Variants in KIRREL3 observed in about 807,000 individuals in gnomAD.
KIRREL3 encodes the protein kirre like nephrin family adhesion molecule 3.
A neutral mutation model predicts 89.7 loss-of-function variants in KIRREL3; 36 were observed. The ratio of observed to expected loss-of-function variants is 0.40; its 90% CI spans 0.31 to 0.53. The LOEUF (loss-of-function observed/expected upper bound fraction) is 0.53. Among genes scored for constraint, KIRREL3 ranks in the 20% least tolerant of loss-of-function variants. KIRREL3 has a pLI of 0.49. For synonymous variants in KIRREL3, 445 were observed against 441.4 expected, an observed-to-expected ratio of 1.01 and a Z score of -0.10; for missense variants, 864 against 1,056.6, an observed-to-expected ratio of 0.82 and a Z score of 2.53.
rs1381313551 is a variant in KIRREL3 at position 126,977,569 on chromosome 11, T to G, written c.55+22886A>C. Among the ~76,000 whole-genome samples, 1 of 152,252 alleles carries G rather than the reference T, an allele frequency of 6.6e-6. No homozygotes were observed. Among genetic ancestry groups the G allele is most frequent in the Non-Finnish European group, 1.5e-5 (1 of 68,048 alleles). ...TTCCTGTATTCTTTCAACAAGCATT[T>G]ATTGAATGCCTACTATGCACCTGTC... On this transcript the variant is annotated intron_variant, in intron 1 of 16. Transcript: ENST00000525144. This position sits in a 1 kb window ranked among gnomAD's most constrained non-coding sequence, Gnocchi z 4.7.
chr11:126,569,335 G>A lies in KIRREL3; in HGVS notation c.56-6423C>T, dbSNP rs73015250. ...TGAAGAAATATTTTTAACCAGTTGC[G>A]TTGACCTCAGAGGGTAAACATTTTG... On this transcript the variant is annotated intron_variant, in intron 1 of 16. Coordinates refer to ENST00000525144, the MANE Select transcript of KIRREL3 (RefSeq NM_032531.4). The surrounding 1 kb of genome is among the most constrained non-coding windows in gnomAD (Gnocchi z 6.5). 1.9e-3 allele frequency among the ~76,000 whole-genome samples: 292 copies of A among 152,294 alleles called. 2 individuals carry two copies. Among genetic ancestry groups the A allele is most frequent in the Middle Eastern group, 3.4e-3 (1 of 294 alleles).
In KIRREL3 at chr11:126,562,982, A is replaced by AGG. The variant is rs570366280; in HGVS notation, c.56-72_56-71dup. On this transcript the variant is annotated intron_variant, in intron 1 of 16. Transcript: ENST00000525144. The surrounding 1 kb of genome is among the most constrained non-coding windows in gnomAD (Gnocchi z 4.7). Reference sequence around the variant, plus strand: ...CAGGCATTGTTGGGGGGCCCTCTGCAGGGGGCTGTGGAGCTTGTTGCTCTT... The same window carrying AGG: ...CAGGCATTGTTGGGGGGCCCTCTGCAGGGGGGGCTGTGGAGCTTGTTGCTCTT... 6.1e-6 allele frequency: 7 copies of AGG among 1,149,100 alleles called. No individual in the cohort carries two copies. In the Admixed American group the frequency reaches 1.2e-4, roughly 20 times the overall value. 71.2% of individuals were successfully genotyped at this position (1,149,100 alleles called of 1,614,324 possible). A position where few individuals can be genotyped will look rare whatever the true frequency, so the allele number is the denominator to read the frequency against.
chr11:126,437,626 C>A (rs1469351072), intron 11 of KIRREL3, among the ~76,000 whole-genome samples: 10 of 152,290 alleles, frequency 6.6e-5, no homozygotes, highest in Admixed American at 5.2e-4. Flanking sequence ...ATGCACATCA[C>A]ACTTCACACT....
In KIRREL3 at chr11:126,830,175, C is replaced by T. The variant is rs1463168616; in HGVS notation, c.55+170280G>A. Among the ~76,000 whole-genome samples, 1 of 152,154 alleles carries T rather than the reference C, an allele frequency of 6.6e-6. No individual in the cohort carries two copies. Among genetic ancestry groups the T allele is most frequent in the African/African-American group, 2.4e-5 (1 of 41,432 alleles). On this transcript the variant is annotated intron_variant, in intron 1 of 16. Coordinates refer to ENST00000525144, the MANE Select transcript of KIRREL3 (RefSeq NM_032531.4). The surrounding 1 kb of genome is among the most constrained non-coding windows in gnomAD (Gnocchi z 4.9). ...CTGGAAGTTGTTCATGAATGAACAA[C>T]CCTTGCTAATCACTCTGGTCAATAT... is the stretch of plus-strand genomic sequence containing the variant.
In KIRREL3 at chr11:126,520,880, T is replaced by A. The variant is rs573182857; in HGVS notation, c.433+435A>T. On this transcript the variant is annotated intron_variant, in intron 4 of 16. Coordinates refer to ENST00000525144, the MANE Select transcript of KIRREL3 (RefSeq NM_032531.4). The surrounding 1 kb of genome is among the most constrained non-coding windows in gnomAD (Gnocchi z 4.9). ...GAATCATGGGGAGAATCGGGCTGAT[T>A]CTACAGAGAAGGTGGAAAGATAGGG... is the stretch of plus-strand genomic sequence containing the variant. Among the ~76,000 whole-genome samples the A allele has an allele frequency of 6.6e-6, 1 of 152,164 alleles. No homozygotes were observed. Among genetic ancestry groups the A allele is most frequent in the Non-Finnish European group, 1.5e-5 (1 of 67,988 alleles).
chr11:126,910,452 C>A (rs1338982917), intron 1 of KIRREL3, among the ~76,000 whole-genome samples: 3 of 152,084 alleles, frequency 2.0e-5, no homozygotes, highest in Non-Finnish European at 4.4e-5. Flanking sequence ...AGGAGCATAA[C>A]AAGGATTTGA....
Position 126,893,938 on chromosome 11 carries a change from C to T in KIRREL3, c.55+106517G>A, listed in dbSNP as rs376503398. ...CTGTAAAATGTCTTTCCCAGAGCCG[C>T]GTGTGACTTGGTATTTCATGTGGGT... On this transcript the variant is annotated intron_variant, in intron 1 of 16. Coordinates refer to ENST00000525144, the MANE Select transcript of KIRREL3 (RefSeq NM_032531.4). Among the ~76,000 whole-genome samples the T allele has an allele frequency of 4.6e-5, 7 of 152,214 alleles. No homozygotes were observed. The South Asian group carries it at 6.2e-4, about 14-fold the overall frequency.
intron 1 of KIRREL3, among the ~76,000 whole-genome samples, chr11:126,964,063 T>A (rs1043048578): frequency 6.6e-6 from 1 of 152,208 alleles, no homozygotes; most frequent in African/African-American, 2.4e-5. Flanking sequence ...TTTTTCATTT[T>A]CCATCTCTAG....
At chr11:126,913,757 T>A (rs1946921333) in intron 1 of KIRREL3, among the ~76,000 whole-genome samples, 1 of 152,174 alleles carries the variant, frequency 6.6e-6, no homozygotes, top group African/African-American at 2.4e-5. Context: ...CAAGTCTGCT[T>A]GGAAAGAGAC....
chr11:126,895,056 TA>T (rs1946094913), intron 1 of KIRREL3, among the ~76,000 whole-genome samples: 1 of 152,152 alleles, frequency 6.6e-6, no homozygotes, highest in Admixed American at 6.5e-5. Flanking sequence ...GACCGGGCTT[TA>T]AAACAAGGAG....
rs186425027 is a variant in KIRREL3, at chr11:126,873,977, C to G, written c.55+126478G>C. ...TTTTCCAAGAATTCTATCTCCCCAGCCTGGTGGTTTGCACCGTCAAGACAA... is the reference window on the plus strand; with the variant it reads ...TTTTCCAAGAATTCTATCTCCCCAGGCTGGTGGTTTGCACCGTCAAGACAA... On this transcript the variant is annotated intron_variant, in intron 1 of 16. Transcript: ENST00000525144. 1.2e-3 allele frequency among the ~76,000 whole-genome samples: 181 copies of G among 152,354 alleles called. 1 individual carries two copies. The highest frequency in any genetic ancestry group is 1.4e-3 in the Non-Finnish European group (97 of 68,036).
chr11:126,689,380 C>G lies in KIRREL3; in HGVS notation c.56-126468G>C, dbSNP rs1946794280. ...CCAGACCCCCTGGGAGCCCAGAGTC[C>G]CCATCCTTGCATCTCATGATCTATC... On this transcript the variant is annotated intron_variant, in intron 1 of 16. Transcript: ENST00000525144. The surrounding 1 kb of genome is among the most constrained non-coding windows in gnomAD (Gnocchi z 5.2). Among the ~76,000 whole-genome samples, 1 of 152,158 alleles carries G rather than the reference C, an allele frequency of 6.6e-6. No homozygotes were observed. Among genetic ancestry groups the G allele is most frequent in the Admixed American group, 6.5e-5 (1 of 15,276 alleles).
At chr11:126,786,322 A>T (rs897272781) in intron 1 of KIRREL3, among the ~76,000 whole-genome samples, 3 of 152,236 alleles carry the variant, frequency 2.0e-5, no homozygotes, top group East Asian at 3.8e-4. Context: ...TAGTGTTTGT[A>T]TTAGACAGGT....
Position 126,431,840 on chromosome 11 carries a change from G to T in KIRREL3, c.1589-314C>A. On this transcript the variant is annotated intron_variant, in intron 13 of 16. Coordinates refer to ENST00000525144, the MANE Select transcript of KIRREL3 (RefSeq NM_032531.4). The surrounding 1 kb of genome is among the most constrained non-coding windows in gnomAD (Gnocchi z 7.1). ...AGGGCCAGGGGACAGGAAGACCGGAGATGAGGGGTGGGGCTGGCACGATGG... is the reference window on the plus strand; with the variant it reads ...AGGGCCAGGGGACAGGAAGACCGGATATGAGGGGTGGGGCTGGCACGATGG... Among the ~76,000 whole-genome samples the T allele has an allele frequency of 6.6e-6, 1 of 152,158 alleles. No homozygotes were observed. The highest frequency in any genetic ancestry group is 1.9e-4 in the East Asian group (1 of 5,194).
intron 1 of KIRREL3, among the ~76,000 whole-genome samples, chr11:126,938,741 T>G (rs1948310705): frequency 6.6e-6 from 1 of 152,240 alleles, no homozygotes; most frequent in Non-Finnish European, 1.5e-5. Flanking sequence ...TTCTTTTCAC[T>G]GTTTACAACC....
rs1565424285 is a variant in KIRREL3 at position 126,923,268 on chromosome 11, TC to T, written c.55+77186del. 2.8e-3 allele frequency among the ~76,000 whole-genome samples: 231 copies of T among 82,276 alleles called. 42 individuals are homozygous for T. Among genetic ancestry groups the T allele is most frequent in the Middle Eastern group, 0.012 (2 of 164 alleles). The allele number at this position is 82,276 out of a possible 152,430, so 54.0% of individuals were successfully genotyped here. ...CTTCTTCTTCTTCTTCTTCTTCTTC[TC>T]CTTCTCCTTCTCCTTCTCCTTCTCC... On this transcript the variant is annotated intron_variant, in intron 1 of 16. Coordinates refer to ENST00000525144, the MANE Select transcript of KIRREL3 (RefSeq NM_032531.4).
rs1394243193 is a variant in KIRREL3 at position 126,843,713 on chromosome 11, A to G, written c.55+156742T>C. ...CAGAATGAGATAGGAGGTCAGCACA[A>G]GATACAGGTCATGGAGACTTTGCTG... On this transcript the variant is annotated intron_variant, in intron 1 of 16. Transcript: ENST00000525144. The surrounding 1 kb of genome is among the most constrained non-coding windows in gnomAD (Gnocchi z 4.6). Among the ~76,000 whole-genome samples, 1 of 152,188 alleles carries G rather than the reference A, an allele frequency of 6.6e-6. No homozygotes were observed. Among genetic ancestry groups the G allele is most frequent in the Non-Finnish European group, 1.5e-5 (1 of 68,042 alleles).
intron 6 of KIRREL3, among the ~76,000 whole-genome samples, chr11:126,457,197 G>GTGTGTGTGTGTGTGTGTGTGTA (rs1956376606): frequency 6.6e-6 from 1 of 151,250 alleles, no homozygotes; most frequent in African/African-American, 2.4e-5. Context: ...GTGTGTGTGT[G>GTGTGTGTGTGTGTGTGTGTGTA]TGTGTGTGTG....
At position 126,587,907 on chromosome 11, in the gene KIRREL3, C is replaced by T. The variant is rs1941944819; in HGVS notation, c.56-24995G>A. Among the ~76,000 whole-genome samples the T allele has an allele frequency of 6.6e-6, 1 of 152,132 alleles. No individual in the cohort carries two copies. The highest frequency in any genetic ancestry group is 1.5e-5 in the Non-Finnish European group (1 of 68,032). On this transcript the variant is annotated intron_variant, in intron 1 of 16. Coordinates refer to ENST00000525144, the MANE Select transcript of KIRREL3 (RefSeq NM_032531.4). The surrounding 1 kb of genome is among the most constrained non-coding windows in gnomAD (Gnocchi z 5.2). ...AAGGAATGAATGACTCTAAGGAGAGCTGGGCCCTGGTACAGGGAGGGGCAG... is the reference window on the plus strand; with the variant it reads ...AAGGAATGAATGACTCTAAGGAGAGTTGGGCCCTGGTACAGGGAGGGGCAG...
Sources: allele counts gnomAD v4.1 joint callset (sites outside exome capture counted in the v4.1 genomes callset), GRCh38; gene constraint gnomAD v4.1.1; non-coding constraint Gnocchi (gnomAD v3.1); transcripts MANE v1.5; gene names NCBI Gene and HGNC (gene_info 2026-07-23, HGNC 2026-07-21).